ZNF804B: variants seen among roughly 807,000 people sequenced by gnomAD.
ZNF804B encodes zinc finger 804B.
A neutral mutation model predicts 101.4 loss-of-function variants in ZNF804B; 80 were observed. That is an observed-to-expected ratio of 0.79 (90% confidence interval 0.66 to 0.95). ZNF804B has a LOEUF of 0.95. Ranked by LOEUF, ZNF804B falls within the 40% of genes least tolerant of loss-of-function variation. ZNF804B has a pLI of 0.00. For missense variants in ZNF804B, 1,673 were observed against 1,561.9 expected (o/e 1.07, Z -1.20); for synonymous variants, 622 against 558.8 (o/e 1.11, Z -1.59).
chr7:88,976,216 A>T (rs1473960318), intron 1 of ZNF804B, among the ~76,000 whole-genome samples: 1 of 151,676 alleles, frequency 6.6e-6, no homozygotes, highest in Non-Finnish European at 1.5e-5. Context: ...ATTGCTCAGA[A>T]TGGCTTTGGA....
At chr7:88,979,154 A>G (rs535258504) in intron 1 of ZNF804B, among the ~76,000 whole-genome samples, 1 of 151,968 alleles carries the variant, frequency 6.6e-6, no homozygotes, top group South Asian at 2.1e-4. Flanking sequence ...TATTGTAGTT[A>G]TTATTTTTGA....
rs71102024 is a variant in ZNF804B, at chr7:89,215,883, CTAAATAAA to C, written c.109-2232_109-2225del. Among the ~76,000 whole-genome samples, 750 of 143,134 alleles carry C rather than the reference CTAAATAAA, an allele frequency of 5.2e-3. 9 individuals carry two copies. Among genetic ancestry groups the C allele is most frequent in the Middle Eastern group, 0.032 (9 of 282 alleles). 93.9% of individuals were successfully genotyped at this position (143,134 alleles called of 152,430 possible). On this transcript the variant is annotated intron_variant, in intron 1 of 3. Coordinates refer to ENST00000333190, the MANE Select transcript of ZNF804B (RefSeq NM_181646.5). Reference sequence around the variant, plus strand: ...TGGGCAACAGAGAGAGACTCCGTCTCTAAATAAATAAATAAATAAATAAATAAATAAAT... The same window carrying C: ...TGGGCAACAGAGAGAGACTCCGTCTCTAAATAAATAAATAAATAAATAAAT...
At chr7:89,298,913 A>T (rs992873891) in intron 2 of ZNF804B, among the ~76,000 whole-genome samples, 7 of 151,966 alleles carry the variant, frequency 4.6e-5, no homozygotes, top group Non-Finnish European at 1.0e-4. Flanking sequence ...ATGTGAAAAA[A>T]AAAATTAGAA....
In ZNF804B at chr7:89,200,384, G is replaced by A. The variant is rs944480471; in HGVS notation, c.109-17771G>A. Among the ~76,000 whole-genome samples, 5 of 151,972 alleles carry A rather than the reference G, an allele frequency of 3.3e-5. No individual in the cohort carries two copies. The East Asian group carries it at 9.7e-4, about 29-fold the overall frequency. Reference sequence around the variant, plus strand: ...GTTGGTGAATTTATTTCCACCCTTAGGATTCCTGTCCTGGTTTGTAGAATC... The same window carrying A: ...GTTGGTGAATTTATTTCCACCCTTAAGATTCCTGTCCTGGTTTGTAGAATC... On this transcript the variant is annotated intron_variant, in intron 1 of 3. Transcript: ENST00000333190.
At chr7:88,891,928 G>C (rs1444493963) in intron 1 of ZNF804B, among the ~76,000 whole-genome samples, 1 of 151,918 alleles carries the variant, frequency 6.6e-6, no homozygotes, top group Non-Finnish European at 1.5e-5. Flanking sequence ...CTGTGTCCAA[G>C]TGTTCTCATT....
At chr7:89,227,461 C>T (rs573387104) in intron 2 of ZNF804B, among the ~76,000 whole-genome samples, 3 of 152,126 alleles carry the variant, frequency 2.0e-5, no homozygotes, top group Non-Finnish European at 4.4e-5. Context: ...TCATCTCCAT[C>T]CTCATGGAGC....
At chr7:89,211,173 C>T (rs1788797128) in intron 1 of ZNF804B, among the ~76,000 whole-genome samples, 1 of 152,098 alleles carries the variant, frequency 6.6e-6, no homozygotes, top group Admixed American at 6.6e-5. Flanking sequence ...GCCCTTTGCC[C>T]ACTTTTTAAT....
chr7:89,082,067 T>A (rs1490740021), intron 1 of ZNF804B, among the ~76,000 whole-genome samples: 1 of 151,754 alleles, frequency 6.6e-6, no homozygotes, highest in Admixed American at 6.6e-5. Context: ...TTAAGTTATA[T>A]CAATAGTTTA....
chr7:88,936,665 T>G (rs745432966), intron 1 of ZNF804B, among the ~76,000 whole-genome samples: 4 of 152,090 alleles, frequency 2.6e-5, no homozygotes, highest in Non-Finnish European at 4.4e-5. Flanking sequence ...CATTCTTCAA[T>G]CTTCCTTCTT....
rs1175564261 is a variant in ZNF804B, at chr7:89,218,267, T to A, written c.221T>A (p.Ile74Asn). The change falls in exon 2 of 4, where the codon ATT (isoleucine) becomes AAT (asparagine). Residue 74 changes from isoleucine to asparagine, a missense_variant. Physicochemically the swap from Ile to Asn is moderately radical, Grantham distance 149 (BLOSUM62 -3). Coordinates refer to ENST00000333190, the MANE Select transcript of ZNF804B (RefSeq NM_181646.5). ...AAACACCAGGAGTTTGACAATCATA[T>A]TAATTCTTATGACCATGCTCATAAG... is the stretch of plus-strand genomic sequence containing the variant. ...YHKHQEFDNHINSYDHAHKQR... is the reference protein window; with the variant it reads ...YHKHQEFDNHNNSYDHAHKQR... 1 of 1,613,716 alleles carries A rather than the reference T, an allele frequency of 6.2e-7. No homozygotes were observed. The highest frequency in any genetic ancestry group is 8.5e-7 in the Non-Finnish European group (1 of 1,179,798).
chr7:89,221,894 A>G (rs1789010327), intron 2 of ZNF804B, among the ~76,000 whole-genome samples: 1 of 151,976 alleles, frequency 6.6e-6, no homozygotes, highest in Admixed American at 6.6e-5. Context: ...ATTGTGAAAA[A>G]GCGACACATT....
At chr7:89,274,014 G>A (rs1444812046) in intron 2 of ZNF804B, among the ~76,000 whole-genome samples, 2 of 151,962 alleles carry the variant, frequency 1.3e-5, no homozygotes, top group African/African-American at 2.4e-5. Context: ...TGGCCACAAA[G>A]AGTAGACATA....
intron 1 of ZNF804B, among the ~76,000 whole-genome samples, chr7:89,181,796 T>C (rs1788302517): frequency 6.6e-6 from 1 of 152,232 alleles, no homozygotes; most frequent in Non-Finnish European, 1.5e-5. Flanking sequence ...GTTCTATTGA[T>C]CGGGTTGCTG....
intron 2 of ZNF804B, among the ~76,000 whole-genome samples, chr7:89,242,935 T>C (rs1789392153): frequency 6.6e-6 from 1 of 151,828 alleles, no homozygotes; most frequent in African/African-American, 2.4e-5. Flanking sequence ...CTTCCAAAAA[T>C]CAAAATTTTC....
chr7:88,843,452 C>A (rs372847334), intron 1 of ZNF804B, among the ~76,000 whole-genome samples: 2 of 151,954 alleles, frequency 1.3e-5, no homozygotes, highest in South Asian at 4.1e-4. Flanking sequence ...AAATTAATAA[C>A]AAAGGCTGGG....
chr7:88,807,538 C>A (rs188419571), intron 1 of ZNF804B, among the ~76,000 whole-genome samples: 1 of 152,160 alleles, frequency 6.6e-6, no homozygotes, highest in Non-Finnish European at 1.5e-5. Flanking sequence ...CTGGGAAATA[C>A]AATCAGTGTG....
chr7:88,769,561 A>G (rs780717501), intron 1 of ZNF804B, among the ~76,000 whole-genome samples: 8 of 152,218 alleles, frequency 5.3e-5, no homozygotes, highest in African/African-American at 7.2e-5. Context: ...CATTGGTGGC[A>G]TATTTAACAG....
intron 2 of ZNF804B, among the ~76,000 whole-genome samples, chr7:89,223,067 CT>C (rs1402681962): frequency 6.6e-6 from 1 of 151,722 alleles, no homozygotes; most frequent in Middle Eastern, 3.2e-3. Flanking sequence ...CCATTTGGTT[CT>C]TTCTTCTTTA....
chr7:89,037,620 G>T (rs938051826), intron 1 of ZNF804B, among the ~76,000 whole-genome samples: 5 of 151,112 alleles, frequency 3.3e-5, no homozygotes, highest in African/African-American at 9.8e-5. Flanking sequence ...GCTAATTATT[G>T]TATCCATTGC....
Sources: allele counts gnomAD v4.1 joint callset (sites outside exome capture counted in the v4.1 genomes callset), GRCh38; gene constraint gnomAD v4.1.1; transcripts MANE v1.5; gene names NCBI Gene and HGNC (gene_info 2026-07-23, HGNC 2026-07-21).